Variants in CAMK1D observed in about 807,000 individuals in gnomAD.
The protein encoded by CAMK1D is calcium/calmodulin-dependent protein kinase type 1D.
CAMK1D carries 9 observed loss-of-function variants against 47.7 expected under a neutral mutation model. That is an observed-to-expected ratio of 0.19 (90% CI 0.11 to 0.33). The LOEUF is 0.33. Ranked by LOEUF, CAMK1D falls within the 10% of genes least tolerant of loss-of-function variation. The pLI is 1.00. For missense variants in CAMK1D, 291 were observed against 488.7 expected, an observed-to-expected ratio of 0.60 and a Z score of 3.81; for synonymous variants, 184 against 184.9, an observed-to-expected ratio of 0.99 and a Z score of 0.04.
Position 12,735,370 on chromosome 10 carries a change from C to T in CAMK1D, c.300-25578C>T, listed in dbSNP as rs373393353. On this transcript the variant is annotated intron_variant, in intron 3 of 10. Coordinates refer to ENST00000619168, the MANE Select transcript of CAMK1D (RefSeq NM_153498.4). ...GCGGGCGCCTGTAGTCCCAGCTACTCGGGAGGCTGAGGCAGGAGAATGGCG... is the reference window on the plus strand; with the variant it reads ...GCGGGCGCCTGTAGTCCCAGCTACTTGGGAGGCTGAGGCAGGAGAATGGCG... Among the ~76,000 whole-genome samples the T allele has an allele frequency of 5.8e-3, 885 of 152,010 alleles. 10 individuals are homozygous for T. The highest frequency in any genetic ancestry group is 0.019 in the African/African-American group (798 of 41,476).
chr10:12,689,035 T>C (rs1215893081), intron 3 of CAMK1D, among the ~76,000 whole-genome samples: 1 of 152,244 alleles, frequency 6.6e-6, no homozygotes, highest in East Asian at 1.9e-4. Flanking sequence ...GAGAAAATAT[T>C]AAGTTCCCTT....
intron 1 of CAMK1D, among the ~76,000 whole-genome samples, chr10:12,353,172 C>T (rs1201407376): frequency 6.6e-6 from 1 of 152,068 alleles, no homozygotes; most frequent in African/African-American, 2.4e-5. Context: ...GAGTCTGGGC[C>T]CTTCTCTTGT....
intron 2 of CAMK1D, among the ~76,000 whole-genome samples, chr10:12,643,530 C>G (rs1433045251): frequency 6.6e-6 from 1 of 152,148 alleles, no homozygotes; most frequent in Non-Finnish European, 1.5e-5. Flanking sequence ...CTCGCAGGAG[C>G]ACGAGCCCTA....
intron 1 of CAMK1D, among the ~76,000 whole-genome samples, chr10:12,351,029 T>A (rs931808419): frequency 3.9e-5 from 6 of 152,134 alleles, no homozygotes; most frequent in Non-Finnish European, 7.3e-5. Flanking sequence ...TTGTGCTTGG[T>A]TTCTTTTTTC....
intron 3 of CAMK1D, among the ~76,000 whole-genome samples, chr10:12,751,838 G>A (rs1351797774): frequency 6.6e-6 from 1 of 152,196 alleles, no homozygotes; most frequent in African/African-American, 2.4e-5. Flanking sequence ...CCTTTGTCAG[G>A]GCTGCTGATA....
intron 2 of CAMK1D, among the ~76,000 whole-genome samples, chr10:12,621,601 G>T (rs1838999901): frequency 6.6e-6 from 1 of 152,172 alleles, no homozygotes; most frequent in Non-Finnish European, 1.5e-5. Flanking sequence ...TATTTTCAAT[G>T]ATTGTAAATG....
At chr10:12,799,923 T>G (rs1436577065) in intron 6 of CAMK1D, among the ~76,000 whole-genome samples, 2 of 152,124 alleles carry the variant, frequency 1.3e-5, no homozygotes, top group African/African-American at 2.4e-5. Flanking sequence ...TTCTAAGGAG[T>G]GGGTTTCCCT....
intron 3 of CAMK1D, among the ~76,000 whole-genome samples, chr10:12,743,082 C>T (rs915750227): frequency 3.3e-5 from 5 of 152,158 alleles, no homozygotes; most frequent in Admixed American, 6.5e-5. Context: ...GTGGCTCACG[C>T]CTGTAATCCC....
At chr10:12,476,887 T>A (rs547761248) in intron 1 of CAMK1D, among the ~76,000 whole-genome samples, 1 of 152,278 alleles carries the variant, frequency 6.6e-6, no homozygotes, top group South Asian at 2.1e-4. Context: ...CAGGTCCTGT[T>A]ATGTGGGATT....
intron 2 of CAMK1D, among the ~76,000 whole-genome samples, chr10:12,621,730 A>C (rs1430507312): frequency 6.6e-6 from 1 of 152,342 alleles, no homozygotes; most frequent in East Asian, 1.9e-4. Flanking sequence ...GCTAGCATAC[A>C]GGACTTCAGT....
chr10:12,441,026 G>A (rs922983629), intron 1 of CAMK1D, among the ~76,000 whole-genome samples: 1 of 152,204 alleles, frequency 6.6e-6, no homozygotes, highest in Non-Finnish European at 1.5e-5. Flanking sequence ...AGGCCAGGAA[G>A]AATTTGAAAA....
intron 2 of CAMK1D, among the ~76,000 whole-genome samples, chr10:12,571,060 G>A (rs1837308582): frequency 6.6e-6 from 1 of 152,116 alleles, no homozygotes. Context: ...CCACTGATGT[G>A]GCCTCAGTGT....
At chr10:12,379,945 T>C (rs1588423771) in intron 1 of CAMK1D, among the ~76,000 whole-genome samples, 1 of 152,108 alleles carries the variant, frequency 6.6e-6, no homozygotes, top group South Asian at 2.1e-4. Context: ...CCGGGCGCGG[T>C]GGCTCACGCC....
chr10:12,515,716 TCTC>T (rs1226964520), intron 1 of CAMK1D, among the ~76,000 whole-genome samples: 4 of 151,414 alleles, frequency 2.6e-5, no homozygotes, highest in African/African-American at 9.7e-5. Flanking sequence ...TTCACGCCAT[TCTC>T]CTGCCTCAGC....
At chr10:12,818,602 C>T (rs1465101066) in intron 8 of CAMK1D, among the ~76,000 whole-genome samples, 5 of 151,300 alleles carry the variant, frequency 3.3e-5, no homozygotes, top group Non-Finnish European at 5.9e-5. Flanking sequence ...ATCCAGGAGG[C>T]GGAGCTTGCA....
intron 2 of CAMK1D, among the ~76,000 whole-genome samples, chr10:12,594,281 A>G (rs970045495): frequency 6.6e-5 from 10 of 152,242 alleles, no homozygotes; most frequent in Non-Finnish European, 1.5e-4. Context: ...GCAAGAAAAA[A>G]TAACAGGCAC....
chr10:12,701,270 T>C lies in CAMK1D; in HGVS notation c.299+34460T>C, dbSNP rs147862484. Reference sequence around the variant, plus strand: ...TGGGATCTCATACATTATTCTTTAGTGTCCAAAGGGTTTTTACTTCCAATG... The same window carrying C: ...TGGGATCTCATACATTATTCTTTAGCGTCCAAAGGGTTTTTACTTCCAATG... On this transcript the variant is annotated intron_variant, in intron 3 of 10. Coordinates refer to ENST00000619168, the MANE Select transcript of CAMK1D (RefSeq NM_153498.4). Among the ~76,000 whole-genome samples the C allele has an allele frequency of 1.1e-3, 175 of 152,318 alleles. 1 individual carries two copies. The highest frequency in any genetic ancestry group is 3.9e-3 in the African/African-American group (164 of 41,580).
At chr10:12,474,095 C>T (rs773929806) in intron 1 of CAMK1D, among the ~76,000 whole-genome samples, 4 of 152,042 alleles carry the variant, frequency 2.6e-5, no homozygotes, top group Non-Finnish European at 5.9e-5. Context: ...GGTGGTTCCA[C>T]CAACAGTGCC....
intron 1 of CAMK1D, among the ~76,000 whole-genome samples, chr10:12,391,284 A>C (rs990840679): frequency 6.6e-6 from 1 of 152,136 alleles, no homozygotes; most frequent in Middle Eastern, 3.2e-3. Context: ...ATTAAATTGG[A>C]ATCACTATGT....
Sources: allele counts gnomAD v4.1 joint callset (sites outside exome capture counted in the v4.1 genomes callset), GRCh38; gene constraint gnomAD v4.1.1; transcripts MANE v1.5; gene names NCBI Gene and HGNC (gene_info 2026-07-23, HGNC 2026-07-21).